The following CDH18 variants were observed in gnomAD, a reference collection of about 807,000 sequenced individuals.
CDH18 encodes the protein cadherin-18.
In CDH18, 31 loss-of-function variants were observed where a neutral mutation model predicts 67.9. The ratio of observed to expected loss-of-function variants is 0.46; its 90% confidence interval spans 0.34 to 0.62. The LOEUF (loss-of-function observed/expected upper bound fraction) is 0.62. CDH18 is among the 20% of genes least tolerant of loss of function. The pLI is 0.01. For synonymous variants in CDH18, 362 were observed against 347.2 expected, an observed-to-expected ratio of 1.04 and a Z score of -0.48; for missense variants, 890 against 975.5, an observed-to-expected ratio of 0.91 and a Z score of 1.17.
intron 5 of CDH18, among the ~76,000 whole-genome samples, chr5:19,627,478 G>A (rs1022998722): frequency 1.3e-5 from 2 of 152,146 alleles, no homozygotes; most frequent in Non-Finnish European, 2.9e-5. Flanking sequence ...AATATTATCA[G>A]TATTCAACAG....
intron 1 of CDH18, among the ~76,000 whole-genome samples, chr5:20,523,740 A>G (rs1205543884): frequency 6.6e-6 from 1 of 152,094 alleles, no homozygotes; most frequent in African/African-American, 2.4e-5. Flanking sequence ...GCATTTCACC[A>G]TATTGGCCAG....
At chr5:20,252,367 CAAAAAAA>C (rs1249307545) in intron 2 of CDH18, among the ~76,000 whole-genome samples, 1 of 145,844 alleles carries the variant, frequency 6.9e-6, no homozygotes, top group African/African-American at 2.5e-5. Flanking sequence ...AAACAAAAAA[CAAAAAAA>C]AAATCACTCA....
At chr5:19,554,661 G>A (rs1261326939) in intron 8 of CDH18, among the ~76,000 whole-genome samples, 1 of 151,994 alleles carries the variant, frequency 6.6e-6, no homozygotes, top group African/African-American at 2.4e-5. Flanking sequence ...TAGGGCTAAG[G>A]TACTTATTCT....
chr5:20,510,226 T>C (rs1478912315), intron 1 of CDH18, among the ~76,000 whole-genome samples: 1 of 152,176 alleles, frequency 6.6e-6, no homozygotes, highest in Non-Finnish European at 1.5e-5. Context: ...TTTGCCTGTT[T>C]TCTCGATTGG....
At chr5:20,294,747 G>C (rs950831608) in intron 1 of CDH18, among the ~76,000 whole-genome samples, 1 of 152,014 alleles carries the variant, frequency 6.6e-6, no homozygotes, top group Non-Finnish European at 1.5e-5. Context: ...TGTGTAGCAT[G>C]GTTTACAAAA....
At chr5:20,045,206 TA>T (rs959797276) in intron 2 of CDH18, among the ~76,000 whole-genome samples, 6 of 152,166 alleles carry the variant, frequency 3.9e-5, no homozygotes, top group Admixed American at 2.0e-4. Flanking sequence ...ATAGCCTTAA[TA>T]AAACATTTAT....
intron 1 of CDH18, among the ~76,000 whole-genome samples, chr5:20,478,497 T>C (rs1752583296): frequency 1.3e-5 from 2 of 149,398 alleles, no homozygotes; most frequent in African/African-American, 2.5e-5. Flanking sequence ...GCAATGGTAG[T>C]CATGGGGATA....
intron 1 of CDH18, among the ~76,000 whole-genome samples, chr5:20,562,301 G>A (rs937200770): frequency 4.0e-5 from 6 of 151,558 alleles, no homozygotes; most frequent in Non-Finnish European, 8.9e-5. Context: ...ATATGAGTTT[G>A]GTACTATACA....
intron 1 of CDH18, among the ~76,000 whole-genome samples, chr5:20,512,271 G>C (rs1225895864): frequency 1.3e-5 from 2 of 151,930 alleles, no homozygotes; most frequent in East Asian, 3.9e-4. Context: ...CTATTTTTCT[G>C]AAATTTCTTA....
At chr5:20,539,845 G>C (rs1756956016) in intron 1 of CDH18, among the ~76,000 whole-genome samples, 1 of 151,894 alleles carries the variant, frequency 6.6e-6, no homozygotes, top group Non-Finnish European at 1.5e-5. Context: ...ACCAAGTTGA[G>C]TTTGAAAATC....
chr5:20,227,483 G>A (rs956230055), intron 2 of CDH18, among the ~76,000 whole-genome samples: 4 of 151,966 alleles, frequency 2.6e-5, no homozygotes, highest in East Asian at 1.9e-4. Context: ...AAATTCAACA[G>A]TATATGTCTT....
chr5:20,400,053 A>G (rs192320958), intron 1 of CDH18, among the ~76,000 whole-genome samples: 9 of 152,128 alleles, frequency 5.9e-5, no homozygotes, highest in Admixed American at 5.9e-4. Flanking sequence ...ATCATAGAAA[A>G]CCTGCTGTGT....
intron 3 of CDH18, among the ~76,000 whole-genome samples, chr5:19,781,704 A>G (rs1775134051): frequency 6.6e-6 from 1 of 152,186 alleles, no homozygotes; most frequent in South Asian, 2.1e-4. Context: ...TTTCTAGCAT[A>G]CAAATTAAAC....
chr5:19,931,882 A>T (rs1200161551), intron 2 of CDH18, among the ~76,000 whole-genome samples: 1 of 151,496 alleles, frequency 6.6e-6, no homozygotes, highest in Non-Finnish European at 1.5e-5. Context: ...CTATATACAC[A>T]TCTAAATTTC....
intron 2 of CDH18, among the ~76,000 whole-genome samples, chr5:19,863,782 C>A (rs916144489): frequency 1.3e-5 from 2 of 152,180 alleles, no homozygotes; most frequent in African/African-American, 2.4e-5. Flanking sequence ...CCAACCCAGG[C>A]AAGAACAACA....
intron 1 of CDH18, among the ~76,000 whole-genome samples, chr5:20,356,035 A>G (rs115998983): frequency 0.014 from 2,152 of 152,330 alleles, 38 homozygotes; most frequent in African/African-American, 0.049. Context: ...GAATATCAGT[A>G]CATTTATTTT....
chr5:20,440,896 A>G (rs1343219508), intron 1 of CDH18, among the ~76,000 whole-genome samples: 1 of 151,998 alleles, frequency 6.6e-6, no homozygotes, highest in Non-Finnish European at 1.5e-5. Flanking sequence ...ATGAAGTAAG[A>G]GCAGGAAAAA....
intron 8 of CDH18, among the ~76,000 whole-genome samples, chr5:19,546,013 A>T (rs920223989): frequency 1.3e-5 from 2 of 152,146 alleles, no homozygotes; most frequent in African/African-American, 4.8e-5. Context: ...CAGCCAAAGG[A>T]GAGAGGGAAA....
chr5:20,358,845 C>T (rs1307029051), intron 1 of CDH18, among the ~76,000 whole-genome samples: 2 of 151,460 alleles, frequency 1.3e-5, no homozygotes, highest in African/African-American at 4.8e-5. Flanking sequence ...TTTTAATATA[C>T]ATATGTACAT....
Sources: allele counts gnomAD v4.1 joint callset (sites outside exome capture counted in the v4.1 genomes callset), GRCh38; gene constraint gnomAD v4.1.1; transcripts MANE v1.5; gene names NCBI Gene and HGNC (gene_info 2026-07-23, HGNC 2026-07-21).